The following SYT16 variants were observed in gnomAD, a reference collection of about 807,000 sequenced individuals.
The protein encoded by SYT16 is synaptotagmin-16.
Under a neutral mutation model 61.4 loss-of-function variants are expected in SYT16, and 42 were observed. The observed-to-expected ratio is 0.68, with a 90% CI of 0.53 to 0.89. The LOEUF is 0.89. Ranked by LOEUF, SYT16 falls within the 40% of genes least tolerant of loss-of-function variation. The probability of loss-of-function intolerance (pLI) is 0.00; values close to 1 mark genes in which losing one functional copy is unlikely to be tolerated. For missense variants in SYT16, 804 were observed against 807.3 expected (o/e 1.00, Z 0.05); for synonymous variants, 314 against 302.3 (o/e 1.04, Z -0.40).
intron 1 of SYT16, among the ~76,000 whole-genome samples, chr14:61,850,911 T>G (rs2046595832): frequency 6.6e-6 from 1 of 152,216 alleles, no homozygotes; most frequent in Non-Finnish European, 1.5e-5. Flanking sequence ...ACTTTTATTT[T>G]TATTTTAAAT....
intron 3 of SYT16, among the ~76,000 whole-genome samples, chr14:62,054,790 G>A (rs765484270): frequency 5.3e-5 from 8 of 152,136 alleles, no homozygotes; most frequent in Non-Finnish European, 1.0e-4. Flanking sequence ...AGCTTGACTT[G>A]CCTCTGTTGT....
At position 62,075,129 on chromosome 14, in the gene SYT16, AT is replaced by A; in HGVS notation, c.737-3del. ...ATTTGAAATGGTTTTCTTATTGCAA[AT>A]TTAGATTTGGATGGAGCCAGCCAAC... On this transcript the variant is annotated splice_region_variant and splice_polypyrimidine_tract_variant and intron_variant, in intron 4 of 7. Coordinates refer to ENST00000683842, the MANE Select transcript of SYT16 (RefSeq NM_001367656.1). The A allele has an allele frequency of 1.9e-6, 3 of 1,594,838 alleles. No homozygotes were observed. Among genetic ancestry groups the A allele is most frequent in the Non-Finnish European group, 2.6e-6 (3 of 1,166,974 alleles).
At chr14:61,922,696 T>TA (rs202042368) in intron 1 of SYT16, among the ~76,000 whole-genome samples, 27 of 151,048 alleles carry the variant, frequency 1.8e-4, no homozygotes, top group African/African-American at 3.2e-4. Flanking sequence ...AAAATTAAAG[T>TA]AAAAAAAAAT....
At chr14:62,032,636 G>T (rs1202445118) in intron 3 of SYT16, among the ~76,000 whole-genome samples, 2 of 151,588 alleles carry the variant, frequency 1.3e-5, no homozygotes, top group East Asian at 3.9e-4. Context: ...AATTAGTTTT[G>T]CAAGCAAAAC....
intron 3 of SYT16, among the ~76,000 whole-genome samples, chr14:62,069,032 G>C (rs1440590484): frequency 6.6e-6 from 1 of 152,200 alleles, no homozygotes; most frequent in East Asian, 1.9e-4. Flanking sequence ...CTGACCTCAA[G>C]TGATCTGCCC....
intron 7 of SYT16, among the ~76,000 whole-genome samples, chr14:62,087,155 G>A (rs555976006): frequency 2.0e-4 from 31 of 152,288 alleles, no homozygotes; most frequent in Admixed American, 2.0e-3. Context: ...GTTCCCATAT[G>A]GAAGAGAACA....
chr14:61,830,916 C>T (rs368794339), intron 1 of SYT16, among the ~76,000 whole-genome samples: 6 of 152,194 alleles, frequency 3.9e-5, no homozygotes, highest in Non-Finnish European at 7.3e-5. Context: ...GGGCTCTTCA[C>T]AGTGCCTGGT....
chr14:62,094,882 A>G (rs2057217382), intron 7 of SYT16, among the ~76,000 whole-genome samples: 1 of 151,934 alleles, frequency 6.6e-6, no homozygotes, highest in African/African-American at 2.4e-5. Context: ...AATATGGGCA[A>G]AATTTTTCCA....
intron 3 of SYT16, among the ~76,000 whole-genome samples, chr14:62,039,870 CACACACACGCACAT>C (rs1308138516): frequency 2.8e-5 from 4 of 141,520 alleles, no homozygotes; most frequent in East Asian, 2.0e-4. Flanking sequence ...CACACACACA[CACACACACGCACAT>C]ACACACTAGA....
At chr14:61,939,341 C>T (rs1158003024) in intron 1 of SYT16, among the ~76,000 whole-genome samples, 1 of 152,210 alleles carries the variant, frequency 6.6e-6, no homozygotes, top group East Asian at 1.9e-4. Flanking sequence ...AGCAAATAAT[C>T]CTCCTGTGCA....
At chr14:61,832,926 T>C (rs914451931) in intron 1 of SYT16, among the ~76,000 whole-genome samples, 6 of 152,254 alleles carry the variant, frequency 3.9e-5, no homozygotes, top group Admixed American at 2.6e-4. Context: ...GACTATTTTG[T>C]AGTCCGTTTA....
In SYT16 at chr14:62,107,871, T is replaced by C. The variant is rs1391203568; in HGVS notation, c.*7164T>C. The C allele has an allele frequency of 5.9e-5, 9 of 152,246 alleles. No individual in the cohort carries two copies. The highest frequency in any genetic ancestry group is 1.3e-4 in the Admixed American group (2 of 15,288). The allele number at this position is 152,246 out of a possible 1,614,324, so 9.4% of individuals were successfully genotyped here. A position where few individuals can be genotyped will look rare whatever the true frequency, so the allele number is the denominator to read the frequency against. On this transcript the variant is annotated 3_prime_UTR_variant, in exon 8 of 8. Coordinates refer to ENST00000683842, the MANE Select transcript of SYT16 (RefSeq NM_001367656.1). ...AGTATTCTTGACTTTTATAATTAAA[T>C]ACTGAATGCCCTTTGCAAGACAGTA...
At chr14:62,057,096 G>A (rs2055597172) in intron 3 of SYT16, among the ~76,000 whole-genome samples, 1 of 152,200 alleles carries the variant, frequency 6.6e-6, no homozygotes, top group African/African-American at 2.4e-5. Flanking sequence ...AGTTCTGCCT[G>A]CTTTTTATTC....
At chr14:62,058,452 G>A (rs2055670067) in intron 3 of SYT16, among the ~76,000 whole-genome samples, 1 of 150,080 alleles carries the variant, frequency 6.7e-6, no homozygotes, top group Non-Finnish European at 1.5e-5. Flanking sequence ...CCGCGTCCCA[G>A]GTTCTTCTGT....
rs564441453 is a variant in SYT16, at chr14:61,866,994, G to A, written c.-325+54184G>A. The stretch of plus-strand genomic sequence containing the variant: ...ATATGCACATGTAATTATTTTAATA[G>A]CACTTGTTGAGATTATCCTTTCCCG... On this transcript the variant is annotated intron_variant, in intron 1 of 7. Coordinates refer to ENST00000683842, the MANE Select transcript of SYT16 (RefSeq NM_001367656.1). Among the ~76,000 whole-genome samples, 5 of 151,722 alleles carry A rather than the reference G, an allele frequency of 3.3e-5. No individual in the cohort carries two copies. In the East Asian group the frequency reaches 9.6e-4, roughly 29 times the overall value.
chr14:61,841,988 G>C (rs1002376714), intron 1 of SYT16, among the ~76,000 whole-genome samples: 1 of 152,020 alleles, frequency 6.6e-6, no homozygotes, highest in Admixed American at 6.6e-5. Flanking sequence ...TATGAGTGCA[G>C]GTGTCTTCTG....
intron 7 of SYT16, among the ~76,000 whole-genome samples, chr14:62,091,911 C>A (rs2057089817): frequency 6.6e-6 from 1 of 151,928 alleles, no homozygotes. Flanking sequence ...GTAAACAGAC[C>A]ACCCATAGAA....
rs1269214274 is a variant in SYT16, at chr14:62,108,032, G to GT, written c.*7326dup. On this transcript the variant is annotated 3_prime_UTR_variant, in exon 8 of 8. Transcript: ENST00000683842. ...GTAACAGTAGCCGCCAGAGAAAGAG[G>GT]TGACAATCTAAACAAAGAGCCCTGC... 4 of 152,148 alleles carry GT rather than the reference G, an allele frequency of 2.6e-5. No homozygotes were observed. Among genetic ancestry groups the GT allele is most frequent in the African/African-American group, 9.7e-5 (4 of 41,422 alleles). The allele number at this position is 152,148 out of a possible 1,614,324, so 9.4% of individuals were successfully genotyped here. A position where few individuals can be genotyped will look rare whatever the true frequency, so the allele number is the denominator to read the frequency against.
At chr14:61,982,501 A>G (rs1265852553) in intron 2 of SYT16, among the ~76,000 whole-genome samples, 2 of 152,076 alleles carry the variant, frequency 1.3e-5, no homozygotes, top group Non-Finnish European at 2.9e-5. Flanking sequence ...CTTATTCACT[A>G]CCACAAGAAC....
Sources: allele counts gnomAD v4.1 joint callset (sites outside exome capture counted in the v4.1 genomes callset), GRCh38; gene constraint gnomAD v4.1.1; transcripts MANE v1.5; gene names NCBI Gene and HGNC (gene_info 2026-07-23, HGNC 2026-07-21).